Variants in IL1RAPL1 observed in about 807,000 individuals in gnomAD.
IL1RAPL1 encodes the protein interleukin 1 receptor accessory protein like 1.
In IL1RAPL1, 3 loss-of-function variants were observed where a neutral mutation model predicts 48.4. The ratio of observed to expected loss-of-function variants is 0.06; its 90% CI spans 0.03 to 0.16. IL1RAPL1 has a LOEUF of 0.16. Ranked by LOEUF, IL1RAPL1 falls within the 10% of genes least tolerant of loss-of-function variation. The pLI, the probability that IL1RAPL1 is intolerant of heterozygous loss-of-function variation, is 1.00. For missense variants in IL1RAPL1, 349 were observed against 530.6 expected (o/e 0.66, Z 3.36); for synonymous variants, 185 against 187.7 (o/e 0.99, Z 0.12).
intron 2 of IL1RAPL1, among the ~76,000 whole-genome samples, chrX:28,947,718 A>T (rs1176563950): frequency 8.9e-6 from 1 of 112,199 alleles, no homozygotes; most frequent in East Asian, 2.8e-4. Flanking sequence ...ATAATAAAAA[A>T]TAACTTACTG....
chrX:29,804,038 A>AT (rs1179801838), intron 6 of IL1RAPL1, among the ~76,000 whole-genome samples: 1 of 111,841 alleles, frequency 8.9e-6, no homozygotes, highest in Non-Finnish European at 1.9e-5. Flanking sequence ...TTTAAAGCAG[A>AT]TTTTATCATT....
intron 2 of IL1RAPL1, among the ~76,000 whole-genome samples, chrX:29,011,526 C>T (rs1158064577): frequency 1.8e-5 from 2 of 112,356 alleles, no homozygotes; most frequent in East Asian, 5.6e-4. Context: ...AAAGAGAATG[C>T]ACATTGTGTG....
At chrX:29,169,498 G>A (rs1234765090) in intron 2 of IL1RAPL1, among the ~76,000 whole-genome samples, 3 of 110,053 alleles carry the variant, frequency 2.7e-5, no homozygotes, top group African/African-American at 9.9e-5. Flanking sequence ...AATCTCATAT[G>A]AAAAAAATGA....
intron 1 of IL1RAPL1, among the ~76,000 whole-genome samples, chrX:28,701,178 A>G (rs1484523903): frequency 9.0e-6 from 1 of 111,641 alleles, no homozygotes; most frequent in Non-Finnish European, 1.9e-5. Flanking sequence ...CAACAATGTA[A>G]AAGCGTTCAA....
intron 3 of IL1RAPL1, among the ~76,000 whole-genome samples, chrX:29,289,379 C>T (rs1932336753): frequency 8.9e-6 from 1 of 111,962 alleles, no homozygotes; most frequent in Non-Finnish European, 1.9e-5. Flanking sequence ...TATTCAGAAT[C>T]CATTGAGCAT....
chrX:29,489,755 A>G (rs1189539473), intron 5 of IL1RAPL1, among the ~76,000 whole-genome samples: 1 of 112,065 alleles, frequency 8.9e-6, no homozygotes, highest in East Asian at 2.8e-4. Context: ...TAGTTAAAAT[A>G]GTATGCAAAC....
At chrX:29,317,062 G>A (rs1027385437) in intron 3 of IL1RAPL1, among the ~76,000 whole-genome samples, 1 of 110,991 alleles carries the variant, frequency 9.0e-6, no homozygotes, top group Non-Finnish European at 1.9e-5. Context: ...CATTTGTGAC[G>A]GGCTAAGGAT....
At chrX:28,616,476 C>T (rs571323593) in intron 1 of IL1RAPL1, among the ~76,000 whole-genome samples, 35 of 109,689 alleles carry the variant, frequency 3.2e-4, no homozygotes, top group South Asian at 8.0e-4. Flanking sequence ...TCTTGTCACC[C>T]GGGCTGGAGT....
chrX:29,325,099 A>G (rs1415855628), intron 3 of IL1RAPL1, among the ~76,000 whole-genome samples: 1 of 112,016 alleles, frequency 8.9e-6, no homozygotes, highest in African/African-American at 3.2e-5. Context: ...AGATTAATTT[A>G]TTGATATTAT....
At chrX:29,251,929 G>A (rs1416957215) in intron 2 of IL1RAPL1, among the ~76,000 whole-genome samples, 2 of 111,025 alleles carry the variant, frequency 1.8e-5, no homozygotes, top group African/African-American at 3.3e-5. Flanking sequence ...GGAATACTAT[G>A]CAGCCATAAA....
chrX:29,143,933 T>C (rs1220229261), intron 2 of IL1RAPL1, among the ~76,000 whole-genome samples: 1 of 111,859 alleles, frequency 8.9e-6, no homozygotes, highest in Non-Finnish European at 1.9e-5. Flanking sequence ...GGTTGAACTA[T>C]TGAGTCATGC....
rs6630978 is a variant in IL1RAPL1, at chrX:29,956,688, T to C, written c.*868T>C. 0.32 allele frequency: 23,168 copies of C among 72,114 alleles called. 2,396 individuals carry two copies. Among genetic ancestry groups the C allele is most frequent in the African/African-American group, 0.45 (9,375 of 20,733 alleles). The allele number at this position is 72,114 out of a possible 1,213,427, so 5.9% of individuals were successfully genotyped here. A position where few individuals can be genotyped will look rare whatever the true frequency, so the allele number is the denominator to read the frequency against. The stretch of plus-strand genomic sequence containing the variant: ...ATACATATATATATAAATATAAATA[T>C]ATATAAAAACAACAAAACAAAACAA... On this transcript the variant is annotated 3_prime_UTR_variant, in exon 11 of 11. Coordinates refer to ENST00000378993, the MANE Select transcript of IL1RAPL1 (RefSeq NM_014271.4).
intron 1 of IL1RAPL1, among the ~76,000 whole-genome samples, chrX:28,754,314 A>G (rs764218574): frequency 1.3e-4 from 14 of 111,951 alleles, no homozygotes; most frequent in Middle Eastern, 4.6e-3. Flanking sequence ...TCTTTAAGGC[A>G]TTTCAATATT....
chrX:28,813,830 A>G (rs1348923076), intron 2 of IL1RAPL1, among the ~76,000 whole-genome samples: 1 of 110,958 alleles, frequency 9.0e-6, no homozygotes, highest in Non-Finnish European at 1.9e-5. Context: ...ATGTCTTAAT[A>G]CATTAATGAT....
intron 3 of IL1RAPL1, among the ~76,000 whole-genome samples, chrX:29,300,971 A>G (rs750613401): frequency 2.7e-5 from 3 of 112,251 alleles, no homozygotes; most frequent in African/African-American, 9.7e-5. Flanking sequence ...CTAAAATTAG[A>G]GTTTAAGATC....
At chrX:29,132,255 G>C (rs754462529) in intron 2 of IL1RAPL1, among the ~76,000 whole-genome samples, 1 of 111,413 alleles carries the variant, frequency 9.0e-6, no homozygotes, top group Admixed American at 9.6e-5. Flanking sequence ...TATTAATACA[G>C]TCATATGCCA....
intron 6 of IL1RAPL1, among the ~76,000 whole-genome samples, chrX:29,772,219 C>G (rs1483721766): frequency 9.6e-6 from 1 of 103,846 alleles, no homozygotes; most frequent in Non-Finnish European, 1.9e-5. Context: ...CCACTGCACT[C>G]TAGCCTGGGT....
At chrX:29,458,267 CT>C (rs1934762313) in intron 5 of IL1RAPL1, among the ~76,000 whole-genome samples, 1 of 112,397 alleles carries the variant, frequency 8.9e-6, no homozygotes, top group Non-Finnish European at 1.9e-5. Flanking sequence ...TGCAGAAGCT[CT>C]TTAATTAGGT....
intron 2 of IL1RAPL1, among the ~76,000 whole-genome samples, chrX:29,279,512 C>G (rs1932169157): frequency 9.0e-6 from 1 of 111,195 alleles, no homozygotes; most frequent in Non-Finnish European, 1.9e-5. Context: ...CCATCTTTTC[C>G]CAGGAATTAT....
Sources: allele counts gnomAD v4.1 joint callset (sites outside exome capture counted in the v4.1 genomes callset), GRCh38; gene constraint gnomAD v4.1.1; transcripts MANE v1.5; gene names NCBI Gene and HGNC (gene_info 2026-07-23, HGNC 2026-07-21).